Variants in WDR83OS observed in about 807,000 individuals in gnomAD.
WDR83OS encodes the protein PAT complex subunit Asterix.
In WDR83OS, 15 loss-of-function variants were observed where a neutral mutation model predicts 13.7. That is an observed-to-expected ratio of 1.09 (90% CI 0.73 to 1.69). The LOEUF is 1.69. Ranked by LOEUF, WDR83OS falls within the 40% of genes most tolerant of loss-of-function variation. The pLI is 0.00. For synonymous variants in WDR83OS, 68 were observed against 52.9 expected, an observed-to-expected ratio of 1.29 and a Z score of -1.24; for missense variants, 145 against 143.2, an observed-to-expected ratio of 1.01 and a Z score of -0.06.
In WDR83OS at chr19:12,669,250, G is replaced by A; in HGVS notation, c.51-17C>T. ...GGCTTGTACCTGCGACAGGCTCGAG[G>A]GTCAGGGGCGCTCAGGTCCTGCCCC... On this transcript the variant is annotated splice_polypyrimidine_tract_variant and intron_variant, in intron 1 of 3. Transcript: ENST00000596731. 1 of 1,613,414 alleles carries A rather than the reference G, an allele frequency of 6.2e-7. No homozygotes were observed. Among genetic ancestry groups the A allele is most frequent in the East Asian group, 2.2e-5 (1 of 44,878 alleles).
chr19:12,669,389 A>G lies in WDR83OS; in HGVS notation c.15T>C (p.Asn5=). The change falls in exon 1 of 4, where the codon AAT becomes AAC. Residue 5 remains asparagine, a synonymous_variant. Transcript: ENST00000596731. Reference sequence around the variant, plus strand: ...TGTTCGGCCTCCGTGGGTCCGACATATTGTTAGTGGACATAGCGAGTCGAA... The same window carrying G: ...TGTTCGGCCTCCGTGGGTCCGACATGTTGTTAGTGGACATAGCGAGTCGAA... MSTN[N]MSDPRRPNKV... The G allele has an allele frequency of 1.9e-6, 3 of 1,600,280 alleles. No individual in the cohort carries two copies. The highest frequency in any genetic ancestry group is 2.2e-5 in the South Asian group (2 of 89,102).
intron 2 of WDR83OS, among the ~76,000 whole-genome samples, chr19:12,668,836 C>T (rs1408831506): frequency 1.3e-5 from 2 of 152,300 alleles, no homozygotes; most frequent in East Asian, 3.9e-4. Flanking sequence ...CCAAGAGAGA[C>T]TCTGACATCC....
intron 2 of WDR83OS, 31 bp downstream of exon 2, chr19:12,669,097 A>G (rs1182661041): frequency 5.6e-6 from 9 of 1,608,998 alleles, no homozygotes; most frequent in South Asian, 1.1e-5. Flanking sequence ...CTCAGGTCCA[A>G]CTACACCCAT....
chr19:12,669,189 G>A lies in WDR83OS; in HGVS notation c.95C>T (p.Pro32Leu). The A allele has an allele frequency of 1.2e-6, 2 of 1,614,144 alleles. No individual in the cohort carries two copies. Among genetic ancestry groups the A allele is most frequent in the South Asian group, 2.2e-5 (2 of 91,086 alleles). The change falls in exon 2 of 4, where the codon CCG becomes CTG. Residue 32 changes from proline (P) to leucine (L), a missense_variant. Coordinates refer to ENST00000596731, the MANE Select transcript of WDR83OS (RefSeq NM_016145.4). ...PSECNPALDD[P>L]TPDYMNLLGM... The stretch of plus-strand genomic sequence containing the variant: ...CAGCAGGTTCATGTAGTCCGGCGTC[G>A]GGTCGTCCAAGGCCGGGTTACATTC...
At position 12,669,337 on chromosome 19, in the gene WDR83OS, G is replaced by A. The variant is rs2024341717; in HGVS notation, c.50+17C>T. 2 of 1,605,252 alleles carry A rather than the reference G, an allele frequency of 1.2e-6. No individual in the cohort carries two copies. The highest frequency in any genetic ancestry group is 1.7e-6 in the Non-Finnish European group (2 of 1,175,654). Reference sequence around the variant, plus strand: ...ACCCACAACCCGAACCCGTGCCCACGACGCTGGGGTCCTCACCTCAGCACT... The same window carrying A: ...ACCCACAACCCGAACCCGTGCCCACAACGCTGGGGTCCTCACCTCAGCACT... On this transcript the variant is annotated intron_variant, in intron 1 of 3. Transcript: ENST00000596731.
chr19:12,668,644 G>T, intron 2 of WDR83OS, 27 bp from the exon 3 acceptor site: 2 of 1,598,688 alleles, frequency 1.3e-6, no homozygotes, highest in Non-Finnish European at 8.6e-7. Context: ...GGGTGGGCAG[G>T]TTAGTGAAAG....
chr19:12,669,195 T>A lies in WDR83OS; in HGVS notation c.89A>T (p.Asp30Val), dbSNP rs765683072. The change falls in exon 2 of 4, where the codon GAC becomes GTC. Residue 30 changes from aspartate (D) to valine (V), a missense_variant. By Grantham distance (152) the Asp-to-Val change is radical. Transcript: ENST00000596731. The part of the protein sequence containing the change: ...PPPSECNPAL[D>V]DPTPDYMNLL... ...GTTCATGTAGTCCGGCGTCGGGTCGTCCAAGGCCGGGTTACATTCGCTCGG... is the reference window on the plus strand; with the variant it reads ...GTTCATGTAGTCCGGCGTCGGGTCGACCAAGGCCGGGTTACATTCGCTCGG... The A allele has an allele frequency of 1.2e-6, 2 of 1,614,100 alleles. No homozygotes were observed. Among genetic ancestry groups the A allele is most frequent in the Non-Finnish European group, 8.5e-7 (1 of 1,180,012 alleles).
chr19:12,669,392 G>A lies in WDR83OS; in HGVS notation c.12C>T (p.Asn4=), dbSNP rs148141962. 1.9e-5 allele frequency: 30 copies of A among 1,599,554 alleles called. No individual in the cohort carries two copies. The highest frequency in any genetic ancestry group is 9.0e-5 in the East Asian group (4 of 44,368). ...TCGGCCTCCGTGGGTCCGACATATT[G>A]TTAGTGGACATAGCGAGTCGAAGGC... MST[N]NMSDPRRPNK... is the part of the protein sequence containing the mutation. The change falls in exon 1 of 4, where the codon AAC becomes AAT. Residue 4 remains asparagine (N), a synonymous_variant. Transcript: ENST00000596731.
chr19:12,669,369 G>T lies in WDR83OS; in HGVS notation c.35C>A (p.Pro12Gln). Residue 12 changes from proline to glutamine, a missense_variant, in exon 1 of 4, where the codon CCG becomes CAG. Physicochemically the swap from Pro to Gln is moderately conservative, Grantham distance 76. Coordinates refer to ENST00000596731, the MANE Select transcript of WDR83OS (RefSeq NM_016145.4). ...STNNMSDPRR[P>Q]NKVLRYKPPP... ...GGGTCCTCACCTCAGCACTTTGTTC[G>T]GCCTCCGTGGGTCCGACATATTGTT... 5.0e-6 allele frequency: 8 copies of T among 1,602,082 alleles called. No individual in the cohort carries two copies. The highest frequency in any genetic ancestry group is 8.5e-7 in the Non-Finnish European group (1 of 1,173,898).
intron 2 of WDR83OS, 26 bp from the exon 3 acceptor site, chr19:12,668,643 G>A: frequency 1.2e-6 from 2 of 1,604,734 alleles, no homozygotes; most frequent in East Asian, 4.5e-5. Flanking sequence ...TGGGTGGGCA[G>A]GTTAGTGAAA....
Position 12,668,263 on chromosome 19 carries a change from A to G in WDR83OS, c.*96T>C. On this transcript the variant is annotated 3_prime_UTR_variant, in exon 4 of 4. Coordinates refer to ENST00000596731, the MANE Select transcript of WDR83OS (RefSeq NM_016145.4). ...GGCACCGAGACGGCCTCATTCAGGGAAGTCCAGGATGGCAGCTGAAGGCAG... is the reference window on the plus strand; with the variant it reads ...GGCACCGAGACGGCCTCATTCAGGGGAGTCCAGGATGGCAGCTGAAGGCAG... 2 of 1,299,518 alleles carry G rather than the reference A, an allele frequency of 1.5e-6. No homozygotes were observed. Among genetic ancestry groups the G allele is most frequent in the Non-Finnish European group, 2.2e-6 (2 of 928,842 alleles). The allele number at this position is 1,299,518 out of a possible 1,614,324, so 80.5% of individuals were successfully genotyped here.
rs2024338864 is a variant in WDR83OS, at chr19:12,669,251, G to A, written c.51-18C>T. The stretch of plus-strand genomic sequence containing the variant: ...GCTTGTACCTGCGACAGGCTCGAGG[G>A]TCAGGGGCGCTCAGGTCCTGCCCCC... On this transcript the variant is annotated intron_variant, in intron 1 of 3. Transcript: ENST00000596731. 6.2e-7 allele frequency: 1 copy of A among 1,613,254 alleles called. No homozygotes were observed. Among genetic ancestry groups the A allele is most frequent in the Admixed American group, 1.7e-5 (1 of 59,928 alleles).
Position 12,669,379 on chromosome 19 carries a change from G to C in WDR83OS, c.25C>G (p.Pro9Ala). 6.2e-7 allele frequency: 1 copy of C among 1,601,616 alleles called. No individual in the cohort carries two copies. Among genetic ancestry groups the C allele is most frequent in the Non-Finnish European group, 8.5e-7 (1 of 1,173,588 alleles). Residue 9 changes from proline (P) to alanine (A), a missense_variant, in exon 1 of 4, where the codon CCA becomes GCA. Transcript: ENST00000596731. MSTNNMSD[P>A]RRPNKVLRYK... ...CTCAGCACTTTGTTCGGCCTCCGTG[G>C]GTCCGACATATTGTTAGTGGACATA...
rs1053805 is a variant in WDR83OS, at chr19:12,668,356, G to A, written c.*3C>T. On this transcript the variant is annotated 3_prime_UTR_variant, in exon 4 of 4. Coordinates refer to ENST00000596731, the MANE Select transcript of WDR83OS (RefSeq NM_016145.4). ...TCCAAAATGTGACCCTTCTAGGCTG[G>A]TATCACCATGGGGGCGTCATGGGCT... 0.036 allele frequency: 57,216 copies of A among 1,611,170 alleles called. 8,447 individuals carry two copies. In the African/African-American group the frequency reaches 0.46, roughly 13 times the overall value.
intron 2 of WDR83OS, 112 bp from the exon 3 acceptor site, chr19:12,668,729 G>T: frequency 1.1e-6 from 1 of 902,834 alleles, no homozygotes; most frequent in Non-Finnish European, 1.8e-6. Flanking sequence ...ATGCAGCTGG[G>T]ACCTTGCCCC....
In WDR83OS at chr19:12,669,246, C is replaced by A. The variant is rs1435838167; in HGVS notation, c.51-13G>T. 9 of 1,613,490 alleles carry A rather than the reference C, an allele frequency of 5.6e-6. No homozygotes were observed. The highest frequency in any genetic ancestry group is 2.7e-5 in the African/African-American group (2 of 74,872). The stretch of plus-strand genomic sequence containing the variant: ...CGGGGGCTTGTACCTGCGACAGGCT[C>A]GAGGGTCAGGGGCGCTCAGGTCCTG... On this transcript the variant is annotated splice_polypyrimidine_tract_variant and intron_variant, in intron 1 of 3. Transcript: ENST00000596731.
rs1486940560 is a variant in WDR83OS at position 12,669,410 on chromosome 19, T to C, written c.-7A>G. On this transcript the variant is annotated 5_prime_UTR_variant, in exon 1 of 4. Transcript: ENST00000596731. ...ACATATTGTTAGTGGACATAGCGAG[T>C]CGAAGGCCAGATCACGCCTCTTCCG... 3 of 1,592,424 alleles carry C rather than the reference T, an allele frequency of 1.9e-6. No homozygotes were observed. Among genetic ancestry groups the C allele is most frequent in the Non-Finnish European group, 2.6e-6 (3 of 1,168,734 alleles).
Position 12,668,609 on chromosome 19 carries a change from C to T in WDR83OS, c.165G>A (p.Trp55Ter), listed in dbSNP as rs746998715. Residue 55 changes from tryptophan (W) to a stop codon, truncating the protein, a stop_gained, in exon 3 of 4, where the codon TGG becomes TGA. Transcript: ENST00000596731. LOFTEE classifies it high-confidence loss of function. ...SMCGLMLKLK[W>*]CAWVAVYCSF... ...AGCAGTAGACAGCGACCCAAGCACA[C>T]CACTTCAGCTAGGGAAAGGTAAGTG... The T allele has an allele frequency of 1.2e-6, 2 of 1,614,026 alleles. No individual in the cohort carries two copies. Among genetic ancestry groups the T allele is most frequent in the Non-Finnish European group, 1.7e-6 (2 of 1,179,972 alleles).
Position 12,669,161 on chromosome 19 carries a change from G to T in WDR83OS, c.123C>A (p.Gly41=), listed in dbSNP as rs774000365. ...DPTPDYMNLL[G]MIFSMCGLML... ...TGAGGCCGCACATGCTGAAGATCAT[G>T]CCCAGCAGGTTCATGTAGTCCGGCG... The change falls in exon 2 of 4, where the codon GGC becomes GGA. Residue 41 remains glycine, a synonymous_variant. Transcript: ENST00000596731. 1 of 1,614,138 alleles carries T rather than the reference G, an allele frequency of 6.2e-7. No individual in the cohort carries two copies. Among genetic ancestry groups the T allele is most frequent in the East Asian group, 2.2e-5 (1 of 44,880 alleles).
Sources: allele counts gnomAD v4.1 joint callset (sites outside exome capture counted in the v4.1 genomes callset), GRCh38; gene constraint gnomAD v4.1.1; transcripts MANE v1.5; gene names NCBI Gene and HGNC (gene_info 2026-07-23, HGNC 2026-07-21).